Variants in BEND6 observed in about 807,000 individuals in gnomAD.
BEND6 encodes the protein BEN domain-containing protein 6.
In BEND6, 24 loss-of-function variants were observed where a neutral mutation model predicts 31.8. That is an observed-to-expected ratio of 0.75 (90% confidence interval 0.55 to 1.06). BEND6 has a LOEUF of 1.06. Among genes scored for constraint, BEND6 ranks in the 50% least tolerant of loss-of-function variants. The probability of loss-of-function intolerance (pLI) is 0.00; values close to 1 mark genes in which losing one functional copy is unlikely to be tolerated. For missense variants in BEND6, 294 were observed against 327.4 expected (o/e 0.90, Z 0.79); for synonymous variants, 109 against 114.6 (o/e 0.95, Z 0.31).
intron 1 of BEND6, among the ~76,000 whole-genome samples, chr6:56,963,863 T>C (rs573102335): frequency 6.8e-6 from 1 of 147,642 alleles, no homozygotes; most frequent in East Asian, 1.9e-4. Context: ...CTAGTAGTGG[T>C]ATAATAAAAT....
At chr6:56,992,045 G>A (rs570504618) in intron 2 of BEND6, among the ~76,000 whole-genome samples, 12 of 152,136 alleles carry the variant, frequency 7.9e-5, no homozygotes, top group African/African-American at 1.4e-4. Flanking sequence ...GCTCAAATCC[G>A]GGCTGTATAT....
At chr6:57,004,298 T>G in intron 3 of BEND6, among the ~76,000 whole-genome samples, 1 of 152,080 alleles carries the variant, frequency 6.6e-6, no homozygotes, top group South Asian at 2.1e-4. Flanking sequence ...AAACATCTCC[T>G]CGAAACGATA....
rs74342699 is a variant in BEND6, at chr6:56,995,222, T to TA, written c.298+2680dup. 7.4e-3 allele frequency among the ~76,000 whole-genome samples: 1,065 copies of TA among 143,110 alleles called. 9 individuals carry two copies. Among genetic ancestry groups the TA allele is most frequent in the African/African-American group, 0.02 (771 of 39,164 alleles). The allele number at this position is 143,110 out of a possible 152,430, so 93.9% of individuals were successfully genotyped here. A position where few individuals can be genotyped will look rare whatever the true frequency, so the allele number is the denominator to read the frequency against. Reference sequence around the variant, plus strand: ...CAAACATACTATTATTTCTCCCATTTAAAAAAAAAAAAACAAAAACCTCAC... The same window carrying TA: ...CAAACATACTATTATTTCTCCCATTTAAAAAAAAAAAAAACAAAAACCTCAC... On this transcript the variant is annotated intron_variant, in intron 3 of 6. Transcript: ENST00000370746.
chr6:56,972,121 G>A (rs1253454857), intron 1 of BEND6, among the ~76,000 whole-genome samples: 2 of 100,326 alleles, frequency 2.0e-5, no homozygotes, highest in African/African-American at 7.7e-5. Context: ...TTGAGACAGA[G>A]TCTTACTCTA....
intron 3 of BEND6, chr6:57,008,432 A>T (rs770468159): frequency 8.7e-6 from 5 of 572,644 alleles, no homozygotes; most frequent in Non-Finnish European, 1.6e-5. Context: ...GTGCTGTGGA[A>T]ATCTGTCTGT....
At chr6:56,985,969 T>C (rs533997273) in intron 2 of BEND6, among the ~76,000 whole-genome samples, 2 of 152,352 alleles carry the variant, frequency 1.3e-5, no homozygotes, top group African/African-American at 4.8e-5. Context: ...TTCTTTTGCC[T>C]GATGTCCTTT....
At chr6:56,984,093 C>G (rs1376974712) in intron 2 of BEND6, among the ~76,000 whole-genome samples, 2 of 152,044 alleles carry the variant, frequency 1.3e-5, no homozygotes, top group African/African-American at 4.8e-5. Flanking sequence ...CAACTGCTTA[C>G]ACCTGTAGTC....
intron 3 of BEND6, among the ~76,000 whole-genome samples, chr6:57,000,579 A>G (rs1373694579): frequency 6.7e-6 from 1 of 149,986 alleles, no homozygotes; most frequent in Admixed American, 6.6e-5. Context: ...AATACTAAAA[A>G]AACAAACAAA....
intron 3 of BEND6, among the ~76,000 whole-genome samples, chr6:56,993,215 AT>A (rs1355096244): frequency 6.6e-6 from 1 of 152,164 alleles, no homozygotes; most frequent in Non-Finnish European, 1.5e-5. Context: ...TCATGTGTTT[AT>A]TTTTTCAAAA....
At chr6:56,978,251 C>T (rs1049128540) in intron 1 of BEND6, among the ~76,000 whole-genome samples, 1 of 152,028 alleles carries the variant, frequency 6.6e-6, no homozygotes, top group Non-Finnish European at 1.5e-5. Context: ...CCACTGCACT[C>T]CAGCCTGGGT....
chr6:57,026,476 A>G lies in BEND6; in HGVS notation c.*404A>G, dbSNP rs1827906781. 6.6e-6 allele frequency: 1 copy of G among 152,228 alleles called. No homozygotes were observed. The highest frequency in any genetic ancestry group is 1.5e-5 in the Non-Finnish European group (1 of 68,046). The allele number at this position is 152,228 out of a possible 1,614,324, so 9.4% of individuals were successfully genotyped here. A position where few individuals can be genotyped will look rare whatever the true frequency, so the allele number is the denominator to read the frequency against. ...TGTCCTAACCAATCATTGTACATTG[A>G]TTATTACCAGTGACTTCCCATTATA... is the stretch of plus-strand genomic sequence containing the variant. On this transcript the variant is annotated 3_prime_UTR_variant, in exon 7 of 7. Transcript: ENST00000370746.
intron 1 of BEND6, among the ~76,000 whole-genome samples, chr6:56,975,043 G>C (rs762302949): frequency 2.0e-5 from 3 of 152,114 alleles, no homozygotes; most frequent in Non-Finnish European, 2.9e-5. Flanking sequence ...ACTTGAACCT[G>C]GGAGGTGGAG....
intron 1 of BEND6, among the ~76,000 whole-genome samples, chr6:56,980,256 T>G (rs779911988): frequency 5.3e-5 from 8 of 152,168 alleles, no homozygotes; most frequent in Non-Finnish European, 1.2e-4. Flanking sequence ...TGGCATGATC[T>G]CAGTTCACTA....
chr6:57,007,121 T>G (rs979863856), intron 3 of BEND6, among the ~76,000 whole-genome samples: 4 of 151,982 alleles, frequency 2.6e-5, no homozygotes, highest in Non-Finnish European at 4.4e-5. Context: ...GAGACCCATC[T>G]CTACAAAAAC....
intron 1 of BEND6, among the ~76,000 whole-genome samples, chr6:56,967,093 G>A (rs1825509068): frequency 6.6e-6 from 1 of 152,130 alleles, no homozygotes; most frequent in Admixed American, 6.5e-5. Flanking sequence ...GCAGGTGGAA[G>A]TATTGGCAAC....
intron 3 of BEND6, among the ~76,000 whole-genome samples, chr6:57,011,936 G>A (rs572718213): frequency 3.6e-4 from 55 of 152,026 alleles, no homozygotes; most frequent in African/African-American, 1.2e-3. Flanking sequence ...GACCAGCCTG[G>A]CCAACATGGT....
intron 1 of BEND6, among the ~76,000 whole-genome samples, chr6:56,965,348 T>C (rs944028061): frequency 3.3e-5 from 5 of 152,138 alleles, no homozygotes; most frequent in African/African-American, 1.2e-4. Context: ...ATTTAGACCT[T>C]AACTTTTGAT....
In BEND6 at chr6:57,012,293, A is replaced by G. The variant is rs372310344; in HGVS notation, c.299-2840A>G. Among the ~76,000 whole-genome samples, 11 of 152,254 alleles carry G rather than the reference A, an allele frequency of 7.2e-5. No homozygotes were observed. The East Asian group carries it at 2.1e-3, about 29-fold the overall frequency. ...ACATGAATGTCTTAAAATATTATGC[A>G]GAGAAAAAGAGACAAAAAAAGGAGA... On this transcript the variant is annotated intron_variant, in intron 3 of 6. Transcript: ENST00000370746.
intron 1 of BEND6, among the ~76,000 whole-genome samples, chr6:56,965,073 C>T (rs936659607): frequency 2.6e-5 from 4 of 152,096 alleles, no homozygotes; most frequent in Non-Finnish European, 5.9e-5. Context: ...ATTTTGATTA[C>T]GAGTTTATTG....
Sources: allele counts gnomAD v4.1 joint callset (sites outside exome capture counted in the v4.1 genomes callset), GRCh38; gene constraint gnomAD v4.1.1; transcripts MANE v1.5; gene names NCBI Gene and HGNC (gene_info 2026-07-23, HGNC 2026-07-21).